Variants in USP24 observed in about 807,000 individuals in gnomAD.
The protein encoded by USP24 is ubiquitin carboxyl-terminal hydrolase 24.
USP24 carries 97 observed loss-of-function variants against 361.6 expected under a neutral mutation model. The observed-to-expected ratio is 0.27, with a 90% CI of 0.23 to 0.32. The LOEUF is 0.32. USP24 is among the 10% of genes least tolerant of loss of function. USP24 has a pLI of 1.00. For synonymous variants in USP24, 1,098 were observed against 1,124.6 expected, an observed-to-expected ratio of 0.98 and a Z score of 0.47; for missense variants, 2,353 against 3,165.6, an observed-to-expected ratio of 0.74 and a Z score of 6.16.
intron 16 of USP24, chr1:55,151,790 GA>G (rs1192293073): frequency 1.4e-6 from 1 of 690,756 alleles, no homozygotes. Flanking sequence ...CAGAATTTCT[GA>G]ACACAACAGT....
At chr1:55,173,311 A>G (rs1249260901) in intron 3 of USP24, among the ~76,000 whole-genome samples, 2 of 152,296 alleles carry the variant, frequency 1.3e-5, no homozygotes, top group South Asian at 4.1e-4. Flanking sequence ...AAGACATTAA[A>G]CTGTTTACTT....
At chr1:55,163,217 G>C (rs1355984740) in intron 7 of USP24, among the ~76,000 whole-genome samples, 3 of 151,816 alleles carry the variant, frequency 2.0e-5, no homozygotes, top group African/African-American at 7.2e-5. Context: ...ATAAACTTGA[G>C]GTGGGAGAAC....
chr1:55,182,997 G>A (rs1251351364), intron 1 of USP24, among the ~76,000 whole-genome samples: 1 of 152,146 alleles, frequency 6.6e-6, no homozygotes, highest in Non-Finnish European at 1.5e-5. Context: ...GGGATTACAG[G>A]TGTGAGCCAC....
In USP24 at chr1:55,181,107, T is replaced by C. The variant is rs555491979; in HGVS notation, c.325-2975A>G. Among the ~76,000 whole-genome samples, 7 of 152,076 alleles carry C rather than the reference T, an allele frequency of 4.6e-5. No homozygotes were observed. In the East Asian group the frequency reaches 1.3e-3, roughly 29 times the overall value. The stretch of plus-strand genomic sequence containing the variant: ...ACAATTTACTATATAATTTAATCAT[T>C]ACAAAATAAAATAATCCCATTTAAA... On this transcript the variant is annotated intron_variant, in intron 1 of 67. Coordinates refer to ENST00000294383, the MANE Select transcript of USP24 (RefSeq NM_015306.3).
intron 56 of USP24, among the ~76,000 whole-genome samples, chr1:55,084,134 T>C (rs1645204189): frequency 6.6e-6 from 1 of 152,098 alleles, no homozygotes; most frequent in Admixed American, 6.6e-5. Context: ...GATTTCAGAG[T>C]CAAGGGCATC....
In USP24 at chr1:55,153,852, C is replaced by T; in HGVS notation, c.1860+18G>A. On this transcript the variant is annotated intron_variant, in intron 16 of 67. Transcript: ENST00000294383. ...AAACTAGTATACCTTTTAGTTGGTT[C>T]CATCTGCAAATTCTTACCTTGAATC... 1 of 1,549,138 alleles carries T rather than the reference C, an allele frequency of 6.5e-7. No individual in the cohort carries two copies. Among genetic ancestry groups the T allele is most frequent in the Admixed American group, 2.0e-5 (1 of 50,606 alleles).
rs1262267271 is a variant in USP24, at chr1:55,171,804, C to T, written c.703-126G>A. On this transcript the variant is annotated intron_variant, in intron 4 of 67. Coordinates refer to ENST00000294383, the MANE Select transcript of USP24 (RefSeq NM_015306.3). ...TTAATGGGATCTTTCAAGAATACAC[C>T]GAAAGCATACGCCTTAGCTAGTGCA... 19 of 1,054,858 alleles carry T rather than the reference C, an allele frequency of 1.8e-5. 1 individual carries two copies. The highest frequency in any genetic ancestry group is 5.2e-5 in the East Asian group (2 of 38,180). The allele number at this position is 1,054,858 out of a possible 1,614,324, so 65.3% of individuals were successfully genotyped here. A position where few individuals can be genotyped will look rare whatever the true frequency, so the allele number is the denominator to read the frequency against.
chr1:55,081,769 G>GTATC (rs1466550595), intron 58 of USP24, among the ~76,000 whole-genome samples: 1 of 152,204 alleles, frequency 6.6e-6, no homozygotes, highest in African/African-American at 2.4e-5. Flanking sequence ...CACCACAACA[G>GTATC]TATCTTGAGT....
chr1:55,098,512 T>G lies in USP24; in HGVS notation c.5417A>C (p.Tyr1806Ser). 1 of 1,613,116 alleles carries G rather than the reference T, an allele frequency of 6.2e-7. No homozygotes were observed. The highest frequency in any genetic ancestry group is 2.2e-5 in the East Asian group (1 of 44,856). ...GTCTTTACAGATCTTCTGATCAGAGTAGATGCCCTGAAATGTATTCTTAAA... is the reference window on the plus strand; with the variant it reads ...GTCTTTACAGATCTTCTGATCAGAGGAGATGCCCTGAAATGTATTCTTAAA... The part of the protein sequence containing the change: ...QIFKNTFQGI[Y>S]SDQKICKDCP... Residue 1806 changes from tyrosine to serine, a missense_variant, in exon 46 of 68, where the codon TAC becomes TCC. Physicochemically the swap from Tyr to Ser is moderately radical, Grantham distance 144. Around this residue, in one of 8 missense-constraint regions of USP24, gnomAD observed 105 missense variants for 200.3 expected, o/e 0.52. Coordinates refer to ENST00000294383, the MANE Select transcript of USP24 (RefSeq NM_015306.3).
intron 58 of USP24, among the ~76,000 whole-genome samples, chr1:55,082,049 G>A (rs1485654606): frequency 2.0e-5 from 3 of 152,344 alleles, no homozygotes; most frequent in South Asian, 4.1e-4. Context: ...CACAGAGCAC[G>A]TGATGCTGTC....
At chr1:55,154,080 T>C (rs1242831711) in intron 15 of USP24, 39 bp downstream of exon 15, 9 of 1,611,916 alleles carry the variant, frequency 5.6e-6, no homozygotes, top group Non-Finnish European at 7.6e-6. Flanking sequence ...GGGAATACTG[T>C]TGCTCTAACA....
Position 55,153,902 on chromosome 1 carries a change from C to T in USP24, c.1828G>A (p.Gly610Ser). 1.3e-6 allele frequency: 2 copies of T among 1,550,534 alleles called. No homozygotes were observed. The highest frequency in any genetic ancestry group is 1.7e-6 in the Non-Finnish European group (2 of 1,146,504). ...CCATCCTTCTTGTTTTTTTCCAAAC[C>T]TGACCATTCTCCAGGCTGAAAATTC... ...EDIKRPGEWS[G>S]LEKNKKDGFK... Residue 610 changes from glycine (G) to serine (S), a missense_variant, in exon 16 of 68, where the codon GGT becomes AGT. Around this residue, in one of 8 missense-constraint regions of USP24, gnomAD observed 386 missense variants for 560.5 expected, o/e 0.69. Transcript: ENST00000294383.
intron 30 of USP24, 89 bp from the exon 31 acceptor site, chr1:55,132,789 C>T: frequency 7.6e-7 from 1 of 1,323,946 alleles, no homozygotes. Context: ...AATATTCTTT[C>T]CCTCTTTAAT....
chr1:55,207,954 A>G (rs774478437), intron 1 of USP24, among the ~76,000 whole-genome samples: 1 of 152,172 alleles, frequency 6.6e-6, no homozygotes, highest in Non-Finnish European at 1.5e-5. Flanking sequence ...AATATTATTT[A>G]TTTTTTAAGA....
At chr1:55,201,927 T>C (rs151237236) in intron 1 of USP24, among the ~76,000 whole-genome samples, 4 of 152,248 alleles carry the variant, frequency 2.6e-5, no homozygotes, top group Non-Finnish European at 5.9e-5. Flanking sequence ...GTTAAATCTA[T>C]TTTGTAGTGA....
At chr1:55,138,132 C>G (rs935034606) in intron 26 of USP24, among the ~76,000 whole-genome samples, 1 of 152,124 alleles carries the variant, frequency 6.6e-6, no homozygotes, top group Non-Finnish European at 1.5e-5. Context: ...ACCTCAAGCC[C>G]TTCTTCCACT....
chr1:55,176,527 A>C, intron 2 of USP24, 84 bp from the exon 3 acceptor site: 6 of 1,297,920 alleles, frequency 4.6e-6, no homozygotes, highest in Non-Finnish European at 6.5e-6. Context: ...AATACACGTT[A>C]TTTAGGTCTT....
Position 55,099,739 on chromosome 1 carries a change from G to A in USP24, c.5370+32C>T, listed in dbSNP as rs1302981682. On this transcript the variant is annotated intron_variant, in intron 45 of 67. Coordinates refer to ENST00000294383, the MANE Select transcript of USP24 (RefSeq NM_015306.3). ...TTCTCATACTATAATTAGAGTTTGA[G>A]GGAGTTAGAGGGAAAGTACAACTTT... The A allele has an allele frequency of 2.8e-6, 4 of 1,450,172 alleles. No individual in the cohort carries two copies. The African/African-American group carries it at 4.2e-5, about 15-fold the overall frequency. The allele number at this position is 1,450,172 out of a possible 1,614,324, so 89.8% of individuals were successfully genotyped here.
At chr1:55,138,030 A>C in intron 26 of USP24, 126 bp from the exon 27 acceptor site, 1 of 888,116 alleles carries the variant, frequency 1.1e-6, no homozygotes, top group South Asian at 1.7e-5. Context: ...GAGAACATAA[A>C]GACAAGAACC....
Sources: allele counts gnomAD v4.1 joint callset (sites outside exome capture counted in the v4.1 genomes callset), GRCh38; gene constraint gnomAD v4.1.1; regional missense constraint gnomAD v4.1.1; transcripts MANE v1.5; gene names NCBI Gene and HGNC (gene_info 2026-07-23, HGNC 2026-07-21).